IPO7: variants seen among roughly 807,000 people sequenced by gnomAD.
IPO7 encodes the protein importin-7.
IPO7 carries 13 observed loss-of-function variants against 136.4 expected under a neutral mutation model. The observed-to-expected ratio is 0.10, with a 90% CI of 0.06 to 0.15. IPO7 has a LOEUF of 0.15. Ranked by LOEUF, IPO7 falls within the 10% of genes least tolerant of loss-of-function variation. IPO7 has a pLI of 1.00. For missense variants in IPO7, 857 were observed against 1,240.6 expected (o/e 0.69, Z 4.65); for synonymous variants, 403 against 404.4 (o/e 1.00, Z 0.04).
intron 1 of IPO7, among the ~76,000 whole-genome samples, chr11:9,385,136 C>T (rs1854533949): frequency 6.6e-6 from 1 of 152,178 alleles, no homozygotes; most frequent in African/African-American, 2.4e-5. Flanking sequence ...GGACACATGG[C>T]TGGCTCGGGT....
intron 15 of IPO7, among the ~76,000 whole-genome samples, chr11:9,430,154 A>C (rs936449004): frequency 6.6e-6 from 1 of 152,184 alleles, no homozygotes; most frequent in East Asian, 1.9e-4. Context: ...CCACTTATCT[A>C]CTGCTCCTAA....
At chr11:9,428,448 T>C in intron 12 of IPO7, 92 bp from the exon 13 acceptor site, 1 of 555,184 alleles carries the variant, frequency 1.8e-6, no homozygotes. Flanking sequence ...TATGTAACAT[T>C]AATAGTCATT....
At chr11:9,414,580 C>T in intron 5 of IPO7, 169 bp downstream of exon 5, 1 of 359,414 alleles carries the variant, frequency 2.8e-6, no homozygotes, top group Non-Finnish European at 5.0e-6. Context: ...TCTAAACAAG[C>T]ATACTTCCTC....
chr11:9,421,310 A>G (rs1364410337), intron 8 of IPO7, among the ~76,000 whole-genome samples: 5 of 149,808 alleles, frequency 3.3e-5, no homozygotes, highest in Non-Finnish European at 7.4e-5. Flanking sequence ...CCAGTAACAT[A>G]TTGTCAGCAA....
chr11:9,385,301 C>T (rs780529116), intron 1 of IPO7, among the ~76,000 whole-genome samples: 4 of 152,192 alleles, frequency 2.6e-5, no homozygotes, highest in African/African-American at 4.8e-5. Context: ...TTGGGGGCTG[C>T]GCCTGTCATC....
intron 4 of IPO7, among the ~76,000 whole-genome samples, chr11:9,411,338 T>G (rs988536700): frequency 1.4e-4 from 22 of 152,152 alleles, no homozygotes; most frequent in African/African-American, 5.3e-4. Flanking sequence ...ACAGAGAAAT[T>G]GGAATTTTTG....
rs59866244 is a variant in IPO7, at chr11:9,392,171, CTTTTTTTTTTT to C, written c.84+7337_84+7347del. On this transcript the variant is annotated intron_variant, in intron 1 of 24. Transcript: ENST00000379719. ...ATGTCATATTTGCCTTTGTCAAATT[CTTTTTTTTTTT>C]TTTTTTTTTTTTGAGACGGAGTTTC... is the stretch of plus-strand genomic sequence containing the variant. 488 of 185,104 alleles carry C rather than the reference CTTTTTTTTTTT, an allele frequency of 2.6e-3. 6 individuals carry two copies. The highest frequency in any genetic ancestry group is 0.018 in the African/African-American group (413 of 22,402). 11.5% of individuals were successfully genotyped at this position (185,104 alleles called of 1,614,324 possible).
intron 1 of IPO7, among the ~76,000 whole-genome samples, chr11:9,395,002 A>G (rs796709068): frequency 1.3e-5 from 2 of 152,130 alleles, no homozygotes; most frequent in Admixed American, 1.3e-4. Context: ...TTGGTGCTTC[A>G]GTTCTATGCT....
At chr11:9,407,887 A>G (rs995339448) in intron 2 of IPO7, among the ~76,000 whole-genome samples, 2 of 152,186 alleles carry the variant, frequency 1.3e-5, no homozygotes, top group Non-Finnish European at 2.9e-5. Flanking sequence ...CAGTTTGTTA[A>G]CTTTTGTCAA....
chr11:9,406,853 A>G (rs1854895343), intron 2 of IPO7, among the ~76,000 whole-genome samples: 1 of 152,186 alleles, frequency 6.6e-6, no homozygotes, highest in Non-Finnish European at 1.5e-5. Flanking sequence ...CAGTCTGGGA[A>G]ACAGAGTGAG....
chr11:9,439,661 C>T (rs1005675503), intron 22 of IPO7, among the ~76,000 whole-genome samples: 3 of 150,440 alleles, frequency 2.0e-5, no homozygotes, highest in African/African-American at 7.4e-5. Context: ...CTGCAACCTC[C>T]GACTCCCGGG....
intron 13 of IPO7, 111 bp downstream of exon 13, chr11:9,428,740 A>G: frequency 2.5e-6 from 2 of 805,566 alleles, no homozygotes; most frequent in South Asian, 2.7e-5. Context: ...GTCTTATTTT[A>G]GGTTTCTGTT....
intron 19 of IPO7, among the ~76,000 whole-genome samples, chr11:9,435,286 T>TA (rs1855354104): frequency 6.6e-6 from 1 of 152,204 alleles, no homozygotes; most frequent in Admixed American, 6.5e-5. Context: ...AACATAGTCT[T>TA]ATGGAATCAA....
rs1330125397 is a variant in IPO7 at position 9,445,327 on chromosome 11, A to G, written c.*133A>G. 32 of 283,978 alleles carry G rather than the reference A, an allele frequency of 1.1e-4. No homozygotes were observed. Among genetic ancestry groups the G allele is most frequent in the African/African-American group, 6.8e-4 (29 of 42,606 alleles). The allele number at this position is 283,978 out of a possible 1,614,324, so 17.6% of individuals were successfully genotyped here. Reference sequence around the variant, plus strand: ...GATGGACAAAAGAAACAACAACCCCAGGAGATGGGACCTGATCATGCAACC... The same window carrying G: ...GATGGACAAAAGAAACAACAACCCCGGGAGATGGGACCTGATCATGCAACC... On this transcript the variant is annotated 3_prime_UTR_variant, in exon 25 of 25. Transcript: ENST00000379719.
intron 14 of IPO7, 21 bp from the exon 15 acceptor site, chr11:9,429,653 T>G (rs767571033): frequency 6.3e-7 from 1 of 1,590,330 alleles, no homozygotes; most frequent in Non-Finnish European, 8.5e-7. Flanking sequence ...TTACGCAAGT[T>G]TTTTACTCTT....
At chr11:9,431,411 C>A (rs1397447196) in intron 16 of IPO7, among the ~76,000 whole-genome samples, 3 of 151,368 alleles carry the variant, frequency 2.0e-5, no homozygotes, top group Admixed American at 2.0e-4. Context: ...TACCATCTTC[C>A]TAGTTTTCTT....
intron 6 of IPO7, 23 bp from the exon 7 acceptor site, chr11:9,420,388 A>G: frequency 6.9e-7 from 1 of 1,454,324 alleles, no homozygotes. Flanking sequence ...TATCTCTATC[A>G]TTAAATAAGT....
At chr11:9,428,293 C>T (rs746260805) in intron 12 of IPO7, among the ~76,000 whole-genome samples, 2 of 152,152 alleles carry the variant, frequency 1.3e-5, no homozygotes, top group Non-Finnish European at 2.9e-5. Context: ...ATCATTCGAA[C>T]ACTATTGCTG....
chr11:9,429,618 C>A, intron 14 of IPO7, 56 bp from the exon 15 acceptor site: 1 of 1,378,168 alleles, frequency 7.3e-7, no homozygotes, highest in East Asian at 2.4e-5. Flanking sequence ...TTTGTTATAT[C>A]AGGTTTTAAG....
Sources: allele counts gnomAD v4.1 joint callset (sites outside exome capture counted in the v4.1 genomes callset), GRCh38; gene constraint gnomAD v4.1.1; transcripts MANE v1.5; gene names NCBI Gene and HGNC (gene_info 2026-07-23, HGNC 2026-07-21).